Variants in SLIT1 observed in about 807,000 individuals in gnomAD.
The protein encoded by SLIT1 is slit homolog 1 protein.
SLIT1 carries 66 observed loss-of-function variants against 186.1 expected under a neutral mutation model. The observed-to-expected ratio is 0.35, with a 90% CI of 0.29 to 0.44. The LOEUF (loss-of-function observed/expected upper bound fraction) is 0.44. SLIT1 is among the 20% of genes least tolerant of loss of function. The pLI, the probability that SLIT1 is intolerant of heterozygous loss-of-function variation, is 1.00. For missense variants in SLIT1, 1,638 were observed against 2,037.4 expected (o/e 0.80, Z 3.77); for synonymous variants, 761 against 833.8 (o/e 0.91, Z 1.50).
At chr10:97,033,714 T>C (rs1422491468) in intron 23 of SLIT1, among the ~76,000 whole-genome samples, 1 of 152,136 alleles carries the variant, frequency 6.6e-6, no homozygotes, top group East Asian at 1.9e-4. Flanking sequence ...AATTAGACTA[T>C]ATTATTTAGA....
chr10:97,163,477 G>C (rs1270973760), intron 2 of SLIT1, 26 bp from the exon 3 acceptor site: 2 of 1,606,864 alleles, frequency 1.2e-6, no homozygotes, highest in African/African-American at 2.7e-5. Context: ...GACAAGGACA[G>C]CTACAGGGTG....
At chr10:97,174,119 G>C (rs888053203) in intron 1 of SLIT1, among the ~76,000 whole-genome samples, 7 of 152,268 alleles carry the variant, frequency 4.6e-5, no homozygotes, top group Admixed American at 2.0e-4. Flanking sequence ...TTCTAAACCA[G>C]CTTCCCCAGG....
In SLIT1 at chr10:97,057,670, T is replaced by G. The variant is rs545631476; in HGVS notation, c.1086-389A>C. 1.2e-3 allele frequency: 432 copies of G among 370,388 alleles called. 2 individuals carry two copies. The highest frequency in any genetic ancestry group is 1.9e-3 in the Non-Finnish European group (384 of 203,902). 22.9% of individuals were successfully genotyped at this position (370,388 alleles called of 1,614,324 possible). On this transcript the variant is annotated intron_variant, in intron 11 of 36. Coordinates refer to ENST00000266058, the MANE Select transcript of SLIT1 (RefSeq NM_003061.3). Reference sequence around the variant, plus strand: ...ATCCCATGGGCAGGAATAATTAACATATTTTCAGAGAGTTACAGGAAAAAA... The same window carrying G: ...ATCCCATGGGCAGGAATAATTAACAGATTTTCAGAGAGTTACAGGAAAAAA...
In SLIT1 at chr10:97,004,005, C is replaced by T; in HGVS notation, c.3865+63G>A. The T allele has an allele frequency of 1.5e-5, 21 of 1,443,338 alleles. No individual in the cohort carries two copies. The South Asian group carries it at 2.4e-4, about 16-fold the overall frequency. The allele number at this position is 1,443,338 out of a possible 1,614,324, so 89.4% of individuals were successfully genotyped here. On this transcript the variant is annotated intron_variant, in intron 34 of 36. Transcript: ENST00000266058. The surrounding 1 kb of genome is among the most constrained non-coding windows in gnomAD (Gnocchi z 5.1). ...TTCCCACAGTGCAGTCCCTAGGCAC[C>T]AGCTCTCCTGGCTGGCCTCAGGCCA... is the stretch of plus-strand genomic sequence containing the variant.
chr10:97,002,243 G>A lies in SLIT1; in HGVS notation c.4281C>T (p.Cys1427=). Residue 1427 remains cysteine (C), a synonymous_variant, in exon 36 of 37, where the codon TGC becomes TGT. Transcript: ENST00000266058. The stretch of plus-strand genomic sequence containing the variant: ...CTGAGGCCTGGCAGTGGCCATGCAG[G>A]CACTGCAGGCCTCTGCAGGGCTCTG... ...ALAEPCRGLQ[C]LHGHCQASGT... 6.3e-7 allele frequency: 1 copy of A among 1,596,050 alleles called. No homozygotes were observed.
At position 97,013,761 on chromosome 10, in the gene SLIT1, C is replaced by T; in HGVS notation, c.3183G>A (p.Val1061=). 3.2e-6 allele frequency: 5 copies of T among 1,551,598 alleles called. No homozygotes were observed. Among genetic ancestry groups the T allele is most frequent in the South Asian group, 2.4e-5 (2 of 84,060 alleles). Residue 1061 remains valine (V), a synonymous_variant, in exon 30 of 37, where the codon GTG becomes GTA. Coordinates refer to ENST00000266058, the MANE Select transcript of SLIT1 (RefSeq NM_003061.3). ...LNPCQHEAQC[V]GTPDGPRCEC... is the part of the protein sequence containing the mutation. ...CTCACCTGGGCCCATCCGGGGTGCC[C>T]ACACACTGGGCCTCGTGTTGACATG...
intron 22 of SLIT1, among the ~76,000 whole-genome samples, chr10:97,035,733 G>T (rs1848633032): frequency 6.6e-6 from 1 of 152,132 alleles, no homozygotes; most frequent in Non-Finnish European, 1.5e-5. Context: ...CTGGCCACCT[G>T]TCGGCACTCC....
At chr10:97,125,278 G>A (rs954121912) in intron 4 of SLIT1, among the ~76,000 whole-genome samples, 16 of 97,068 alleles carry the variant, frequency 1.6e-4, no homozygotes, top group Non-Finnish European at 3.8e-4. Flanking sequence ...TTGTAACAAT[G>A]TTTATAAGAC....
chr10:97,110,501 T>C (rs1376125851), intron 4 of SLIT1, among the ~76,000 whole-genome samples: 1 of 152,166 alleles, frequency 6.6e-6, no homozygotes, highest in Non-Finnish European at 1.5e-5. Flanking sequence ...GTCCACATCA[T>C]CATGGATGAA....
chr10:97,178,615 G>C (rs1254152544), intron 1 of SLIT1, among the ~76,000 whole-genome samples: 3 of 152,198 alleles, frequency 2.0e-5, no homozygotes, highest in African/African-American at 4.8e-5. Flanking sequence ...TTCTGGAGTA[G>C]AGAATAGTTT....
At chr10:97,103,341 C>T (rs913488512) in intron 4 of SLIT1, 2 of 152,198 alleles carry the variant, frequency 1.3e-5, no homozygotes, top group Admixed American at 6.5e-5. Context: ...AGGACAAAGC[C>T]ATGCTGGAGT....
At chr10:97,100,805 C>T (rs986417829) in intron 4 of SLIT1, among the ~76,000 whole-genome samples, 1 of 152,188 alleles carries the variant, frequency 6.6e-6, no homozygotes, top group African/African-American at 2.4e-5. Context: ...CCACTGCCAC[C>T]CGTTGGTACG....
At position 97,172,382 on chromosome 10, in the gene SLIT1, T is replaced by G. The variant is rs151262616; in HGVS notation, c.198-7492A>C. On this transcript the variant is annotated intron_variant, in intron 1 of 36. Coordinates refer to ENST00000266058, the MANE Select transcript of SLIT1 (RefSeq NM_003061.3). ...ATATTGATTTGGGGGATTCCCTGAC[T>G]GATGTCCCAGCCTCCACATGAGATT... Among the ~76,000 whole-genome samples, 279 of 152,256 alleles carry G rather than the reference T, an allele frequency of 1.8e-3. 1 individual carries two copies. The highest frequency in any genetic ancestry group is 3.1e-3 in the Non-Finnish European group (210 of 68,008).
In SLIT1 at chr10:97,040,285, G is replaced by A. The variant is rs891451476; in HGVS notation, c.2165-165C>T. Among the ~76,000 whole-genome samples the A allele has an allele frequency of 7.2e-5, 11 of 152,250 alleles. 1 individual carries two copies. The highest frequency in any genetic ancestry group is 3.4e-3 in the Middle Eastern group (1 of 294). Reference sequence around the variant, plus strand: ...CTACACCTCCCCGCCAGCCACCACCGCCACCAGGAATGAAGCCCCCTGGAG... The same window carrying A: ...CTACACCTCCCCGCCAGCCACCACCACCACCAGGAATGAAGCCCCCTGGAG... On this transcript the variant is annotated intron_variant, in intron 20 of 36. Coordinates refer to ENST00000266058, the MANE Select transcript of SLIT1 (RefSeq NM_003061.3).
intron 1 of SLIT1, among the ~76,000 whole-genome samples, chr10:97,183,841 G>C (rs1179055791): frequency 6.6e-6 from 1 of 152,078 alleles, no homozygotes; most frequent in Non-Finnish European, 1.5e-5. Context: ...GTACAGAGGG[G>C]ACAGGCATGG....
chr10:97,085,344 C>T (rs887006052), intron 4 of SLIT1, among the ~76,000 whole-genome samples: 2 of 152,072 alleles, frequency 1.3e-5, no homozygotes, highest in African/African-American at 2.4e-5. Context: ...TCCTTGGTCA[C>T]TTCCTAACTA....
At chr10:97,168,044 A>AAC (rs1378493342) in intron 1 of SLIT1, among the ~76,000 whole-genome samples, 3 of 152,194 alleles carry the variant, frequency 2.0e-5, no homozygotes, top group East Asian at 3.9e-4. Context: ...GAAACTCACA[A>AAC]ACACACACAC....
chr10:97,002,891 G>A lies in SLIT1; in HGVS notation c.3967C>T (p.Leu1323=). Residue 1323 remains leucine (L), a synonymous_variant, in exon 35 of 37, where the codon CTG becomes TTG. Coordinates refer to ENST00000266058, the MANE Select transcript of SLIT1 (RefSeq NM_003061.3). ...ATCTGCGTCTTGGTGAAGTCCTGCA[G>A]CTCGTTGTTGATGTACAGGTTTCGG... ...CIRNLYINNE[L]QDFTKTQMKP... is the part of the protein sequence containing the mutation. 6.2e-7 allele frequency: 1 copy of A among 1,614,248 alleles called. No homozygotes were observed. Among genetic ancestry groups the A allele is most frequent in the Non-Finnish European group, 8.5e-7 (1 of 1,180,032 alleles).
At chr10:97,065,544 T>C (rs1848937025) in intron 5 of SLIT1, 1 of 160,228 alleles carries the variant, frequency 6.2e-6, no homozygotes, top group Admixed American at 5.9e-5. Context: ...ATTTCCATGT[T>C]TCATTTAAAC....
Sources: allele counts gnomAD v4.1 joint callset (sites outside exome capture counted in the v4.1 genomes callset), GRCh38; gene constraint gnomAD v4.1.1; non-coding constraint Gnocchi (gnomAD v3.1); transcripts MANE v1.5; gene names NCBI Gene and HGNC (gene_info 2026-07-23, HGNC 2026-07-21).